The following CTSG variants were observed in gnomAD, a reference collection of about 807,000 sequenced individuals.
CTSG encodes the protein cathepsin G.
CTSG carries 23 observed loss-of-function variants against 23.0 expected under a neutral mutation model. The observed-to-expected ratio is 1.00, with a 90% confidence interval of 0.72 to 1.42. CTSG has a LOEUF of 1.42. Ranked by LOEUF, CTSG falls within the 40% of genes most tolerant of loss-of-function variation. The probability of loss-of-function intolerance (pLI) is 0.00; values close to 1 mark genes in which losing one functional copy is unlikely to be tolerated. For synonymous variants in CTSG, 140 were observed against 130.4 expected (o/e 1.07, Z -0.50); for missense variants, 312 against 326.2 (o/e 0.96, Z 0.33).
Position 24,573,812 on chromosome 14 carries a change from T to G in CTSG, c.595-2A>C. ...CAGCAGGGGGCCTCCGGAATCCCCC[T>G]GTAGGTAGAGAGGAGAAGGGAGACT... On this transcript the variant is annotated splice_acceptor_variant, in intron 4 of 4. Coordinates refer to ENST00000216336, the MANE Select transcript of CTSG (RefSeq NM_001911.3). LOFTEE classifies it high-confidence loss of function. 1 of 1,613,314 alleles carries G rather than the reference T, an allele frequency of 6.2e-7. No individual in the cohort carries two copies. The highest frequency in any genetic ancestry group is 8.5e-7 in the Non-Finnish European group (1 of 1,179,710).
Position 24,573,763 on chromosome 14 carries a change from G to A in CTSG, c.642C>T (p.Ile214=), listed in dbSNP as rs147260851. ...CCCCTGACGACTTTCCATAGGAGACGATGCCGTGGGCCACATTGTTACACA... is the reference window on the plus strand; with the variant it reads ...CCCCTGACGACTTTCCATAGGAGACAATGCCGTGGGCCACATTGTTACACA... ...PLLCNNVAHG[I]VSYGKSSGVP... is the part of the protein sequence containing the mutation. The change falls in exon 5 of 5, where the codon ATC becomes ATT. Residue 214 remains isoleucine (I), a synonymous_variant. Coordinates refer to ENST00000216336, the MANE Select transcript of CTSG (RefSeq NM_001911.3). 1.2e-4 allele frequency: 196 copies of A among 1,614,124 alleles called. No individual in the cohort carries two copies. The African/African-American group carries it at 1.8e-3, about 15-fold the overall frequency.
At chr14:24,575,006 G>T (rs11623400) in intron 2 of CTSG, 196 bp from the exon 3 acceptor site, 1 of 743,504 alleles carries the variant, frequency 1.3e-6, no homozygotes, top group East Asian at 2.7e-5. Flanking sequence ...CTTCAGGTTT[G>T]CTTCCCCAGA....
rs927967482 is a variant in CTSG at position 24,574,961 on chromosome 14, C to G, written c.204-151G>C. ...GGCTCAGCTGTATCCTCTTTCTCAG[C>G]AGCTCTGAGCTAGGGATGACAGGGT... On this transcript the variant is annotated intron_variant, in intron 2 of 4. Transcript: ENST00000216336. 2.6e-5 allele frequency: 25 copies of G among 978,846 alleles called. No homozygotes were observed. In the Admixed American group the frequency reaches 5.4e-4, roughly 21 times the overall value. 60.6% of individuals were successfully genotyped at this position (978,846 alleles called of 1,614,324 possible).
intron 1 of CTSG, 51 bp from the exon 2 acceptor site, chr14:24,575,463 TG>T: frequency 6.2e-7 from 1 of 1,606,180 alleles, no homozygotes; most frequent in Non-Finnish European, 8.5e-7. Context: ...ACCTGCAATG[TG>T]GGTACCAGAT....
intron 1 of CTSG, 31 bp from the exon 2 acceptor site, chr14:24,575,443 T>C: frequency 6.2e-7 from 1 of 1,613,324 alleles, no homozygotes; most frequent in Non-Finnish European, 8.5e-7. Context: ...CTTAGCTCTA[T>C]GCTTGCTGAA....
At chr14:24,575,205 C>T in intron 2 of CTSG, 60 bp downstream of exon 2, 1 of 1,591,136 alleles carries the variant, frequency 6.3e-7, no homozygotes, top group Non-Finnish European at 8.6e-7. Context: ...ATGGCTCTTC[C>T]ACCGAAGAGC....
At chr14:24,574,906 A>C in intron 2 of CTSG, 96 bp from the exon 3 acceptor site, 1 of 1,526,062 alleles carries the variant, frequency 6.6e-7, no homozygotes. Context: ...ACTGCAGCTA[A>C]CCAGAATCGA....
chr14:24,574,266 C>A lies in CTSG; in HGVS notation c.573G>T (p.Arg191=), dbSNP rs766309822. 3.9e-5 allele frequency: 63 copies of A among 1,599,880 alleles called. No individual in the cohort carries two copies. Among genetic ancestry groups the A allele is most frequent in the Non-Finnish European group, 5.3e-5 (63 of 1,179,944 alleles). Residue 191 remains arginine, a synonymous_variant, in exon 4 of 5, where the codon CGG becomes CGT. Coordinates refer to ENST00000216336, the MANE Select transcript of CTSG (RefSeq NM_001911.3). ...TTACCTTGAAGGCAGCCTTCCGTTC[C>A]CGCCGGTCCCCCACACAAATCTGCC... The part of the protein sequence containing the change: ...PRRQICVGDR[R]ERKAAFKGDS...
intron 4 of CTSG, 117 bp downstream of exon 4, chr14:24,574,128 C>A: frequency 1.5e-6 from 2 of 1,354,184 alleles, no homozygotes; most frequent in Non-Finnish European, 1.0e-6. Flanking sequence ...AAACAATCCC[C>A]AGCCCACCCT....
chr14:24,575,406 A>G lies in CTSG; in HGVS notation c.62T>C (p.Ile21Thr). The G allele has an allele frequency of 6.2e-7, 1 of 1,614,072 alleles. No homozygotes were observed. ...GGGCCTGCTCTCCCGGCCTCCGATGATCTCCCCTGGAAGGAAGCATTTGGC... is the reference window on the plus strand; with the variant it reads ...GGGCCTGCTCTCCCGGCCTCCGATGGTCTCCCCTGGAAGGAAGCATTTGGC... ...LLPTGAEAGE[I>T]IGGRESRPHS... Residue 21 changes from isoleucine to threonine, a missense_variant, in exon 2 of 5, where the codon ATC becomes ACC. Transcript: ENST00000216336.
chr14:24,574,742 G>T lies in CTSG; in HGVS notation c.272C>A (p.Ala91Glu). The T allele has an allele frequency of 6.2e-7, 1 of 1,614,190 alleles. No homozygotes were observed. Among genetic ancestry groups the T allele is most frequent in the South Asian group, 1.1e-5 (1 of 91,082 alleles). ...RRENTQQHIT[A>E]RRAIRHPQYN... ...TTGAGGGTGGCGGATGGCTCTGCGCGCAGTGATGTGTTGCTGGGTGTTTTC... is the reference window on the plus strand; with the variant it reads ...TTGAGGGTGGCGGATGGCTCTGCGCTCAGTGATGTGTTGCTGGGTGTTTTC... Residue 91 changes from alanine (A) to glutamate (E), a missense_variant, in exon 3 of 5, where the codon GCG becomes GAG. Ala to Glu is a moderately radical substitution (Grantham distance 107). Coordinates refer to ENST00000216336, the MANE Select transcript of CTSG (RefSeq NM_001911.3).
At position 24,574,945 on chromosome 14, in the gene CTSG, G is replaced by A; in HGVS notation, c.204-135C>T. ...GATGGGAGGGCCCTGGGGCTCAGCTGTATCCTCTTTCTCAGCAGCTCTGAG... is the reference window on the plus strand; with the variant it reads ...GATGGGAGGGCCCTGGGGCTCAGCTATATCCTCTTTCTCAGCAGCTCTGAG... On this transcript the variant is annotated intron_variant, in intron 2 of 4. Coordinates refer to ENST00000216336, the MANE Select transcript of CTSG (RefSeq NM_001911.3). 8.7e-6 allele frequency: 10 copies of A among 1,144,078 alleles called. No homozygotes were observed. The South Asian group carries it at 1.4e-4, about 16-fold the overall frequency. 70.9% of individuals were successfully genotyped at this position (1,144,078 alleles called of 1,614,324 possible).
chr14:24,573,584 A>G lies in CTSG; in HGVS notation c.*53T>C. ...TATTTATACTCTGTGGACGTTTATTAAGGCTCTGGCAACACTGTGGAGCTG... is the reference window on the plus strand; with the variant it reads ...TATTTATACTCTGTGGACGTTTATTGAGGCTCTGGCAACACTGTGGAGCTG... On this transcript the variant is annotated 3_prime_UTR_variant, in exon 5 of 5. Transcript: ENST00000216336. 6.6e-7 allele frequency: 1 copy of G among 1,525,284 alleles called. No homozygotes were observed. 94.5% of individuals were successfully genotyped at this position (1,525,284 alleles called of 1,614,324 possible).
chr14:24,575,239 G>A (rs1411879414), intron 2 of CTSG, 26 bp downstream of exon 2: 2 of 1,613,216 alleles, frequency 1.2e-6, no homozygotes, highest in Admixed American at 3.3e-5. Context: ...GTTCCTGGCT[G>A]GCCAGGAAGT....
In CTSG at chr14:24,576,239, G is replaced by T. The variant is rs747588430; in HGVS notation, c.-16C>A. The T allele has an allele frequency of 1.9e-6, 3 of 1,600,744 alleles. No individual in the cohort carries two copies. The highest frequency in any genetic ancestry group is 2.6e-6 in the Non-Finnish European group (3 of 1,173,654). On this transcript the variant is annotated 5_prime_UTR_variant, in exon 1 of 5. Transcript: ENST00000216336. ...GTGGCTGCATCTTTCCTGAAAGGCT[G>T]CCCAGTCAGTTGCTGCTGTGCTTCC...
Position 24,575,087 on chromosome 14 carries a change from T to A in CTSG, c.203+178A>T, listed in dbSNP as rs370339349. On this transcript the variant is annotated intron_variant, in intron 2 of 4. Coordinates refer to ENST00000216336, the MANE Select transcript of CTSG (RefSeq NM_001911.3). ...TGTCTTCCATCTCTTCCTCTTGCTC[T>A]TTTTGATCTTATCCTCCTTTCCTCC... 13 of 732,458 alleles carry A rather than the reference T, an allele frequency of 1.8e-5. No homozygotes were observed. In the African/African-American group the frequency reaches 2.3e-4, roughly 13 times the overall value. The allele number at this position is 732,458 out of a possible 1,614,324, so 45.4% of individuals were successfully genotyped here.
Position 24,573,713 on chromosome 14 carries a change from A to T in CTSG, c.692T>A (p.Val231Asp), listed in dbSNP as rs1434875385. 4 of 1,613,972 alleles carry T rather than the reference A, an allele frequency of 2.5e-6. No homozygotes were observed. The East Asian group carries it at 8.9e-5, about 36-fold the overall frequency. The change falls in exon 5 of 5, where the codon GTC becomes GAC. Residue 231 changes from valine to aspartate, a missense_variant. Physicochemically the swap from Val to Asp is radical, Grantham distance 152 (BLOSUM62 -3). Coordinates refer to ENST00000216336, the MANE Select transcript of CTSG (RefSeq NM_001911.3). ...SGVPPEVFTR[V>D]SSFLPWIRTT... ...CCTTATCCAGGGCAGGAAACTTGAG[A>T]CCCTGGTGAAGACTTCTGGAGGAAC...
At position 24,573,739 on chromosome 14, in the gene CTSG, C is replaced by A; in HGVS notation, c.666G>T (p.Gly222=). Reference sequence around the variant, plus strand: ...CCCTGGTGAAGACTTCTGGAGGAACCCCTGACGACTTTCCATAGGAGACGA... The same window carrying A: ...CCCTGGTGAAGACTTCTGGAGGAACACCTGACGACTTTCCATAGGAGACGA... ...HGIVSYGKSS[G]VPPEVFTRVS... is the part of the protein sequence containing the mutation. Residue 222 remains glycine, a synonymous_variant, in exon 5 of 5, where the codon GGG becomes GGT. Coordinates refer to ENST00000216336, the MANE Select transcript of CTSG (RefSeq NM_001911.3). 1 of 1,614,074 alleles carries A rather than the reference C, an allele frequency of 6.2e-7. No individual in the cohort carries two copies. The highest frequency in any genetic ancestry group is 1.3e-5 in the African/African-American group (1 of 75,002).
Position 24,573,820 on chromosome 14 carries a change from G to C in CTSG, c.595-10C>G, listed in dbSNP as rs369727236. The C allele has an allele frequency of 6.2e-7, 1 of 1,611,874 alleles. No individual in the cohort carries two copies. Among genetic ancestry groups the C allele is most frequent in the South Asian group, 1.1e-5 (1 of 90,936 alleles). ...GGCCTCCGGAATCCCCCTGTAGGTA[G>C]AGAGGAGAAGGGAGACTGAGACAGG... On this transcript the variant is annotated splice_polypyrimidine_tract_variant and intron_variant, in intron 4 of 4. Transcript: ENST00000216336.
Sources: gnomAD v4.1 joint callset for allele counts on GRCh38, gnomAD v4.1.1 for gene constraint, MANE v1.5 for transcripts, NCBI Gene and HGNC (gene_info 2026-07-23, HGNC 2026-07-21) for gene names.